ZCCHC7: variants seen among roughly 807,000 people sequenced by gnomAD.
The protein encoded by ZCCHC7 is zinc finger CCHC-type containing 7.
A neutral mutation model predicts 52.0 loss-of-function variants in ZCCHC7; 35 were observed. The observed-to-expected ratio is 0.67, with a 90% CI of 0.51 to 0.89. The LOEUF is 0.89. Among genes scored for constraint, ZCCHC7 ranks in the 40% least tolerant of loss-of-function variants. ZCCHC7 has a pLI of 0.00. For missense variants in ZCCHC7, 574 were observed against 649.1 expected (o/e 0.88, Z 1.26); for synonymous variants, 217 against 221.5 (o/e 0.98, Z 0.18).
intron 2 of ZCCHC7, among the ~76,000 whole-genome samples, chr9:37,274,363 GGAGTCT>G (rs1827583559): frequency 9.7e-6 from 1 of 102,894 alleles, no homozygotes; most frequent in African/African-American, 4.0e-5. Context: ...TTTTTGAGAT[GGAGTCT>G]TGCTCTGTTG....
At chr9:37,125,069 C>T (rs1054315508) in intron 1 of ZCCHC7, among the ~76,000 whole-genome samples, 29 of 152,210 alleles carry the variant, frequency 1.9e-4, no homozygotes, top group African/African-American at 7.0e-4. Context: ...CTAGGCTGGT[C>T]TCGAACTCCT....
intron 2 of ZCCHC7, among the ~76,000 whole-genome samples, chr9:37,144,065 G>A (rs1388978): frequency 5.3e-4 from 80 of 151,604 alleles, no homozygotes; most frequent in Non-Finnish European, 1.8e-4. Context: ...GTAAATTAAC[G>A]GGAGCCATAC....
At chr9:37,253,572 T>C (rs1332035008) in intron 2 of ZCCHC7, among the ~76,000 whole-genome samples, 1 of 152,044 alleles carries the variant, frequency 6.6e-6, no homozygotes, top group East Asian at 1.9e-4. Flanking sequence ...TCATGTATTT[T>C]CATTTAAATT....
At chr9:37,122,735 C>T (rs956520062) in intron 1 of ZCCHC7, among the ~76,000 whole-genome samples, 2 of 152,204 alleles carry the variant, frequency 1.3e-5, no homozygotes, top group African/African-American at 2.4e-5. Flanking sequence ...GTCAGGAGTT[C>T]GAGACCAGCC....
intron 2 of ZCCHC7, among the ~76,000 whole-genome samples, chr9:37,152,789 G>T (rs1226848787): frequency 2.0e-5 from 3 of 152,160 alleles, no homozygotes; most frequent in Non-Finnish European, 4.4e-5. Context: ...TACTGTGAAG[G>T]TATTCTTTTT....
intron 2 of ZCCHC7, among the ~76,000 whole-genome samples, chr9:37,169,644 A>G (rs1381228136): frequency 6.6e-6 from 1 of 152,208 alleles, no homozygotes; most frequent in African/African-American, 2.4e-5. Flanking sequence ...AATTACTTTT[A>G]TAACATGGGG....
At chr9:37,344,224 T>C (rs1026158755) in intron 6 of ZCCHC7, among the ~76,000 whole-genome samples, 1 of 152,190 alleles carries the variant, frequency 6.6e-6, no homozygotes, top group African/African-American at 2.4e-5. Context: ...TTTGTGAACA[T>C]AGACCTTTTC....
chr9:37,250,521 C>T (rs1301469641), intron 2 of ZCCHC7, among the ~76,000 whole-genome samples: 8 of 152,046 alleles, frequency 5.3e-5, no homozygotes, highest in African/African-American at 1.2e-4. Flanking sequence ...AGACTGATCT[C>T]GAACTCTTGA....
intron 2 of ZCCHC7, among the ~76,000 whole-genome samples, chr9:37,296,891 G>A (rs1828811067): frequency 6.8e-6 from 1 of 147,110 alleles, no homozygotes; most frequent in African/African-American, 2.5e-5. Flanking sequence ...TTGTGTGTGT[G>A]TGTGTGTGTG....
intron 5 of ZCCHC7, among the ~76,000 whole-genome samples, chr9:37,318,264 T>G (rs1829908727): frequency 6.6e-6 from 1 of 151,720 alleles, no homozygotes; most frequent in Non-Finnish European, 1.5e-5. Context: ...GAGTTCGAGA[T>G]CAGCCTGGAC....
chr9:37,327,848 C>A lies in ZCCHC7; in HGVS notation c.987+14C>A. 3 of 1,612,766 alleles carry A rather than the reference C, an allele frequency of 1.9e-6. No individual in the cohort carries two copies. Among genetic ancestry groups the A allele is most frequent in the Non-Finnish European group, 2.5e-6 (3 of 1,179,074 alleles). Reference sequence around the variant, plus strand: ...TATCACCTAACGGTGAGTAGAAACACCTTTTTTATTTTCCCCAAGACCTAG... The same window carrying A: ...TATCACCTAACGGTGAGTAGAAACAACTTTTTTATTTTCCCCAAGACCTAG... On this transcript the variant is annotated intron_variant, in intron 6 of 8. Coordinates refer to ENST00000336755, the MANE Select transcript of ZCCHC7 (RefSeq NM_032226.3).
intron 2 of ZCCHC7, among the ~76,000 whole-genome samples, chr9:37,255,078 T>C: frequency 6.6e-6 from 1 of 151,968 alleles, no homozygotes; most frequent in Non-Finnish European, 1.5e-5. Context: ...AAACTGCAGA[T>C]AGTACTGAAC....
chr9:37,307,518 A>G (rs921740750), intron 5 of ZCCHC7, among the ~76,000 whole-genome samples: 7 of 152,158 alleles, frequency 4.6e-5, no homozygotes, highest in Non-Finnish European at 7.4e-5. Flanking sequence ...TTAAAGCATT[A>G]CTTACCTATT....
Position 37,183,945 on chromosome 9 carries a change from C to G in ZCCHC7, c.610+57003C>G, listed in dbSNP as rs544958805. ...TGGCCATCTGGTAGTTTTGTAAATT[C>G]AAGCATAGCTCCTTCTATGGCCTTG... On this transcript the variant is annotated intron_variant, in intron 2 of 8. Coordinates refer to ENST00000336755, the MANE Select transcript of ZCCHC7 (RefSeq NM_032226.3). Among the ~76,000 whole-genome samples, 3 of 152,306 alleles carry G rather than the reference C, an allele frequency of 2.0e-5. No individual in the cohort carries two copies. In the East Asian group the frequency reaches 5.8e-4, roughly 29 times the overall value.
intron 2 of ZCCHC7, among the ~76,000 whole-genome samples, chr9:37,197,473 C>G (rs1014375451): frequency 6.6e-6 from 1 of 152,128 alleles, no homozygotes; most frequent in Non-Finnish European, 1.5e-5. Flanking sequence ...TTGATGCTAG[C>G]TTGTGATGAT....
At chr9:37,323,491 A>G (rs1252753484) in intron 5 of ZCCHC7, among the ~76,000 whole-genome samples, 2 of 152,338 alleles carry the variant, frequency 1.3e-5, no homozygotes, top group East Asian at 1.9e-4. Context: ...GAGGCAGCTT[A>G]GAGTTAAAGA....
intron 2 of ZCCHC7, among the ~76,000 whole-genome samples, chr9:37,168,412 A>G (rs1821544961): frequency 6.6e-6 from 1 of 152,334 alleles, no homozygotes; most frequent in Middle Eastern, 3.4e-3. Context: ...TTTAGAGCAC[A>G]TTAGACTGTT....
chr9:37,124,083 A>C (rs1290251112), intron 1 of ZCCHC7, among the ~76,000 whole-genome samples: 1 of 152,190 alleles, frequency 6.6e-6, no homozygotes, highest in Non-Finnish European at 1.5e-5. Context: ...CTACCACCAC[A>C]ACACCCTGGT....
At chr9:37,319,985 G>A (rs1829987060) in intron 5 of ZCCHC7, among the ~76,000 whole-genome samples, 3 of 152,220 alleles carry the variant, frequency 2.0e-5, no homozygotes, top group Admixed American at 2.0e-4. Flanking sequence ...TTGCACTGAT[G>A]TATGTATATG....
Sources: allele counts gnomAD v4.1 joint callset (sites outside exome capture counted in the v4.1 genomes callset), GRCh38; gene constraint gnomAD v4.1.1; transcripts MANE v1.5; gene names NCBI Gene and HGNC (gene_info 2026-07-23, HGNC 2026-07-21).